The following IFT46 variants were observed in gnomAD, a reference collection of about 807,000 sequenced individuals.
IFT46 encodes intraflagellar transport protein 46 homolog.
Under a neutral mutation model 39.6 loss-of-function variants are expected in IFT46, and 19 were observed. The ratio of observed to expected loss-of-function variants is 0.48; its 90% CI spans 0.33 to 0.70. The LOEUF (loss-of-function observed/expected upper bound fraction) is 0.70. Among genes scored for constraint, IFT46 ranks in the 30% least tolerant of loss-of-function variants. The probability of loss-of-function intolerance (pLI) is 0.01; values close to 1 mark genes in which losing one functional copy is unlikely to be tolerated. For synonymous variants in IFT46, 117 were observed against 134.8 expected (o/e 0.87, Z 0.91); for missense variants, 334 against 364.8 (o/e 0.92, Z 0.69).
At chr11:118,560,028 G>A (rs1937987073) in intron 2 of IFT46, 164 bp from the exon 3 acceptor site, 1 of 604,976 alleles carries the variant, frequency 1.7e-6, no homozygotes, top group African/African-American at 1.9e-5. Flanking sequence ...GGCTCTGCCA[G>A]TTCAATTCAA....
intron 2 of IFT46, among the ~76,000 whole-genome samples, chr11:118,562,398 C>G (rs1454308103): frequency 6.6e-6 from 1 of 152,152 alleles, no homozygotes; most frequent in East Asian, 1.9e-4. Context: ...CGTGATCATG[C>G]TACCGCACTC....
At chr11:118,570,074 G>A (rs988713018), upstream of IFT46, among the ~76,000 whole-genome samples, 6 of 129,902 alleles carry the variant, frequency 4.6e-5, no homozygotes, top group East Asian at 6.8e-4. Flanking sequence ...TTTTTGAGAC[G>A]GAGTCTCCCT....
chr11:118,576,501 C>A (rs151106341), upstream of IFT46, among the ~76,000 whole-genome samples: 1,150 of 146,258 alleles, frequency 7.9e-3, 15 homozygotes, highest in African/African-American at 0.028. Context: ...AAAATCAGAT[C>A]AAATTTCAAT....
rs1474693011 is a variant in IFT46, at chr11:118,545,667, A to G, written c.733+126T>C. The G allele has an allele frequency of 7.6e-6, 9 of 1,183,940 alleles. No homozygotes were observed. The East Asian group carries it at 1.2e-4, about 15-fold the overall frequency. 73.3% of individuals were successfully genotyped at this position (1,183,940 alleles called of 1,614,324 possible). On this transcript the variant is annotated intron_variant, in intron 10 of 11. Transcript: ENST00000264021. ...ACACCACCTTTGAGTGCTGCCAAAG[A>G]GCACAACGGGCTTAAAGTGAAGGCT...
intron 2 of IFT46, among the ~76,000 whole-genome samples, chr11:118,563,756 T>G (rs1938139403): frequency 6.6e-6 from 1 of 152,190 alleles, no homozygotes; most frequent in Non-Finnish European, 1.5e-5. Context: ...TTTCAGGTCC[T>G]CAAACTAAGC....
chr11:118,554,188 C>T (rs1157147278), intron 7 of IFT46, among the ~76,000 whole-genome samples: 4 of 151,012 alleles, frequency 2.6e-5, no homozygotes, highest in Non-Finnish European at 5.9e-5. Flanking sequence ...GTAGCTGGGA[C>T]TACAGGCGCC....
At chr11:118,561,362 T>A in intron 2 of IFT46, 1 of 879,950 alleles carries the variant, frequency 1.1e-6, no homozygotes, top group South Asian at 1.3e-5. Flanking sequence ...GTTCTCTCAA[T>A]GCATAAAGAA....
Position 118,557,382 on chromosome 11 carries a change from G to A in IFT46, c.46-337C>T, listed in dbSNP as rs1555069732. 5 of 396,986 alleles carry A rather than the reference G, an allele frequency of 1.3e-5. 1 individual carries two copies. The highest frequency in any genetic ancestry group is 1.2e-4 in the South Asian group (3 of 26,016). The allele number at this position is 396,986 out of a possible 1,614,324, so 24.6% of individuals were successfully genotyped here. On this transcript the variant is annotated intron_variant, in intron 3 of 11. Coordinates refer to ENST00000264021, the MANE Select transcript of IFT46 (RefSeq NM_001168618.2). ...AAAGCTATGGACTTTCAAAGAAGAGGATGGCAACTCTAGTTATTTTGGAAG... is the reference window on the plus strand; with the variant it reads ...AAAGCTATGGACTTTCAAAGAAGAGAATGGCAACTCTAGTTATTTTGGAAG...
intron 4 of IFT46, among the ~76,000 whole-genome samples, chr11:118,556,262 C>T (rs549869913): frequency 5.9e-5 from 9 of 152,196 alleles, no homozygotes; most frequent in African/African-American, 9.6e-5. Flanking sequence ...GAGGCCGAGG[C>T]GAGCGGATCA....
chr11:118,552,377 A>G, intron 7 of IFT46, 42 bp from the exon 8 acceptor site: 1 of 1,607,800 alleles, frequency 6.2e-7, no homozygotes, highest in Non-Finnish European at 8.5e-7. Context: ...GCACTGAAGT[A>G]GCTCTCTTGT....
chr11:118,551,881 G>A, intron 8 of IFT46, 29 bp from the exon 9 acceptor site: 2 of 1,598,792 alleles, frequency 1.3e-6, no homozygotes, highest in Non-Finnish European at 1.7e-6. Context: ...ATATGAACAA[G>A]AAACGTGAAC....
intron 2 of IFT46, chr11:118,560,955 T>C (rs116386951): frequency 2.3e-6 from 3 of 1,299,970 alleles, no homozygotes; most frequent in Non-Finnish European, 3.3e-6. Context: ...GGTGTGAAGG[T>C]TGGCCTGACA....
chr11:118,560,024 G>C (rs782542297), intron 2 of IFT46, 160 bp from the exon 3 acceptor site: 18 of 607,620 alleles, frequency 3.0e-5, no homozygotes, highest in Non-Finnish European at 4.6e-5. Flanking sequence ...TCATGGCTCT[G>C]CCAGTTCAAT....
At chr11:118,560,193 A>AC (rs1341288850) in intron 2 of IFT46, 1 of 245,412 alleles carries the variant, frequency 4.1e-6, no homozygotes, top group East Asian at 1.1e-4. Flanking sequence ...CAGGAGGATC[A>AC]CTTGAGCCCA....
upstream of IFT46, among the ~76,000 whole-genome samples, chr11:118,576,426 T>TAAAAATAA (rs1938507694): frequency 9.2e-6 from 1 of 108,780 alleles, no homozygotes; most frequent in Non-Finnish European, 1.8e-5. Flanking sequence ...CCAAAAATGT[T>TAAAAATAA]AAAAAAAAAA....
rs1555070605 is a variant in IFT46, at chr11:118,561,636, A to G, written c.-35-1772T>C. ...ATAAAGACGATAAACATATGGACAG[A>G]AAAAAAAAAGATTTAACCTCTTTGA... On this transcript the variant is annotated intron_variant, in intron 2 of 11. Transcript: ENST00000264021. 1.2e-5 allele frequency: 4 copies of G among 327,574 alleles called. No individual in the cohort carries two copies. In the Admixed American group the frequency reaches 1.8e-4, roughly 15 times the overall value. 20.3% of individuals were successfully genotyped at this position (327,574 alleles called of 1,614,324 possible). A position where few individuals can be genotyped will look rare whatever the true frequency, so the allele number is the denominator to read the frequency against.
chr11:118,547,744 CTTTTTTTTTTTTT>C (rs1233612951), intron 9 of IFT46, among the ~76,000 whole-genome samples: 1 of 91,176 alleles, frequency 1.1e-5, no homozygotes, highest in African/African-American at 3.8e-5. Flanking sequence ...CTTTTCTTTT[CTTTTTTTTTTTTT>C]TTTTTTTGAG....
chr11:118,560,089 A>T (rs1376252910), intron 2 of IFT46: 1 of 509,816 alleles, frequency 2.0e-6, no homozygotes. Flanking sequence ...TAGACATTAT[A>T]CTATTCAAAT....
At chr11:118,546,153 G>C (rs1374010284) in intron 9 of IFT46, 5 of 718,422 alleles carry the variant, frequency 7.0e-6, no homozygotes, top group Non-Finnish European at 1.3e-5. Context: ...CATAACAGAG[G>C]GAAGACCATG....
Sources: allele counts gnomAD v4.1 joint callset (sites outside exome capture counted in the v4.1 genomes callset), GRCh38; gene constraint gnomAD v4.1.1; transcripts MANE v1.5; gene names NCBI Gene and HGNC (gene_info 2026-07-23, HGNC 2026-07-21).